Variants in VWDE observed in about 807,000 individuals in gnomAD.
The protein encoded by VWDE is von Willebrand factor D and EGF domains, also known as von Willebrand factor D and EGF domain-containing protein.
A neutral mutation model predicts 178.4 loss-of-function variants in VWDE; 207 were observed. The ratio of observed to expected loss-of-function variants is 1.16; its 90% CI spans 1.04 to 1.30. VWDE has a LOEUF of 1.30. Among genes scored for constraint, VWDE ranks in the 50% most tolerant of loss-of-function variants. The pLI is 0.00. For missense variants in VWDE, 2,287 were observed against 1,901.3 expected, an observed-to-expected ratio of 1.20 and a Z score of -3.77; for synonymous variants, 738 against 651.4, an observed-to-expected ratio of 1.13 and a Z score of -2.02.
At chr7:12,391,225 G>T (rs1249905191) in intron 2 of VWDE, among the ~76,000 whole-genome samples, 1 of 152,144 alleles carries the variant, frequency 6.6e-6, no homozygotes, top group Non-Finnish European at 1.5e-5. Flanking sequence ...AAGAAATGTT[G>T]TTCCATTCCT....
intron 12 of VWDE, 64 bp downstream of exon 12, chr7:12,369,481 G>T: frequency 6.9e-7 from 1 of 1,453,202 alleles, no homozygotes; most frequent in South Asian, 1.5e-5. Context: ...GTGAAATAAA[G>T]ATCAAACACA....
In VWDE at chr7:12,370,813, T is replaced by C. The variant is rs1425696228; in HGVS notation, c.1639A>G (p.Met547Val). 3 of 1,550,966 alleles carry C rather than the reference T, an allele frequency of 1.9e-6. No individual in the cohort carries two copies. Among genetic ancestry groups the C allele is most frequent in the Admixed American group, 2.0e-5 (1 of 50,940 alleles). The change falls in exon 11 of 29, where the codon ATG becomes GTG. Residue 547 changes from methionine to valine, a missense_variant. Transcript: ENST00000275358. ...FIRADLGEWG[M>V]SLTIRAPSVD... The stretch of plus-strand genomic sequence containing the variant: ...CTAGGGGCTCTGATCGTTAGACTCA[T>C]GCCCCATTCACCAAGATCAGCACGG...
At chr7:12,362,676 T>C (rs1031553616) in intron 13 of VWDE, among the ~76,000 whole-genome samples, 1 of 152,104 alleles carries the variant, frequency 6.6e-6, no homozygotes, top group African/African-American at 2.4e-5. Context: ...TTCAATATTG[T>C]GGGTCAGCAG....
At chr7:12,340,816 G>A (rs891761105) in intron 23 of VWDE, among the ~76,000 whole-genome samples, 1 of 152,130 alleles carries the variant, frequency 6.6e-6, no homozygotes, top group African/African-American at 2.4e-5. Context: ...TTAACAGGAT[G>A]GTTTGTAATC....
At chr7:12,357,040 T>C (rs1461426855) in intron 17 of VWDE, among the ~76,000 whole-genome samples, 2 of 152,164 alleles carry the variant, frequency 1.3e-5, no homozygotes, top group Non-Finnish European at 2.9e-5. Flanking sequence ...AATAAAACAG[T>C]ATAGAAATTA....
chr7:12,403,811 T>A lies in VWDE; in HGVS notation c.-95A>T. 1 of 1,351,400 alleles carries A rather than the reference T, an allele frequency of 7.4e-7. No individual in the cohort carries two copies. The highest frequency in any genetic ancestry group is 1.0e-6 in the Non-Finnish European group (1 of 975,410). The allele number at this position is 1,351,400 out of a possible 1,614,324, so 83.7% of individuals were successfully genotyped here. A position where few individuals can be genotyped will look rare whatever the true frequency, so the allele number is the denominator to read the frequency against. ...CAGCAGCCCCTCGGGCCTCCTTTCT[T>A]GGATTTTCTCAGTCTGTTGCTGCTT... On this transcript the variant is annotated 5_prime_UTR_variant, in exon 1 of 29. Transcript: ENST00000275358.
In VWDE at chr7:12,361,141, A is replaced by T; in HGVS notation, c.3159+6T>A. Reference sequence around the variant, plus strand: ...AAATGTGAAAATACATGAAAAAAATACATACCTTTATAGTACATGAGTCAT... The same window carrying T: ...AAATGTGAAAATACATGAAAAAAATTCATACCTTTATAGTACATGAGTCAT... On this transcript the variant is annotated splice_donor_region_variant and intron_variant, in intron 15 of 28. Coordinates refer to ENST00000275358, the MANE Select transcript of VWDE (RefSeq NM_001135924.3). The T allele has an allele frequency of 6.8e-7, 1 of 1,474,928 alleles. No homozygotes were observed. The allele number at this position is 1,474,928 out of a possible 1,614,324, so 91.4% of individuals were successfully genotyped here.
chr7:12,370,963 C>A, intron 10 of VWDE, 99 bp from the exon 11 acceptor site: 1 of 900,518 alleles, frequency 1.1e-6, no homozygotes, highest in Non-Finnish European at 1.6e-6. Flanking sequence ...AATAGTTATT[C>A]CCTCAATATA....
intron 1 of VWDE, among the ~76,000 whole-genome samples, chr7:12,400,737 A>G (rs1011755144): frequency 6.6e-6 from 1 of 152,112 alleles, no homozygotes; most frequent in Non-Finnish European, 1.5e-5. Flanking sequence ...GGCTACCCCG[A>G]CAGGAAAGCC....
chr7:12,347,700 C>A (rs1360590873), intron 19 of VWDE, among the ~76,000 whole-genome samples: 4 of 152,062 alleles, frequency 2.6e-5, no homozygotes, highest in African/African-American at 2.4e-5. Flanking sequence ...CAACGACTTT[C>A]TTCACAGAAT....
At chr7:12,357,927 C>T (rs1782351978) in intron 16 of VWDE, among the ~76,000 whole-genome samples, 2 of 152,088 alleles carry the variant, frequency 1.3e-5, no homozygotes, top group Non-Finnish European at 2.9e-5. Context: ...TTTCTCTATT[C>T]CTCCCTCACT....
rs1459027437 is a variant in VWDE at position 12,370,424 on chromosome 7, C to T, written c.1882G>A (p.Asp628Asn). 7 of 1,545,676 alleles carry T rather than the reference C, an allele frequency of 4.5e-6. No homozygotes were observed. Among genetic ancestry groups the T allele is most frequent in the Non-Finnish European group, 6.1e-6 (7 of 1,146,762 alleles). Residue 628 changes from aspartate to asparagine, a missense_variant, in exon 12 of 29, where the codon GAC becomes AAC. Physicochemically the swap from Asp to Asn is conservative, Grantham distance 23. Transcript: ENST00000275358. The part of the protein sequence containing the change: ...GKPSYCSCSL[D>N]TAAYPSSEDL... The stretch of plus-strand genomic sequence containing the variant: ...TCGGAAGACGGATACGCTGCAGTGT[C>T]CAATGAACAGCTACAATAGGATGGC...
chr7:12,392,677 G>A (rs1362942041), intron 2 of VWDE, among the ~76,000 whole-genome samples: 2 of 151,848 alleles, frequency 1.3e-5, no homozygotes, highest in African/African-American at 2.4e-5. Context: ...AAGCATTTTG[G>A]AAGAAAATGT....
chr7:12,359,496 C>A, intron 16 of VWDE, 82 bp downstream of exon 16: 1 of 897,694 alleles, frequency 1.1e-6, no homozygotes, highest in South Asian at 1.7e-5. Flanking sequence ...TCATCTTAAA[C>A]ACATTTACGT....
At chr7:12,397,766 C>A (rs1248868965) in intron 1 of VWDE, among the ~76,000 whole-genome samples, 1 of 152,012 alleles carries the variant, frequency 6.6e-6, no homozygotes, top group Non-Finnish European at 1.5e-5. Flanking sequence ...TGAACAGATG[C>A]CTCTCAAAAG....
In VWDE at chr7:12,357,325, G is replaced by C. The variant is rs373518112; in HGVS notation, c.3465C>G (p.Thr1155=). The change falls in exon 17 of 29, where the codon ACC becomes ACG. Residue 1155 remains threonine (T), a synonymous_variant. Transcript: ENST00000275358. Reference sequence around the variant, plus strand: ...CATTAAGGCGTACAGTAATTTGTTGGGTAGTTAGTAAATCTGTTTTCCACA... The same window carrying C: ...CATTAAGGCGTACAGTAATTTGTTGCGTAGTTAGTAAATCTGTTTTCCACA... The part of the protein sequence containing the change: ...LFMWKTDLLT[T]QQITVRLNDD... 151 of 1,552,096 alleles carry C rather than the reference G, an allele frequency of 9.7e-5. No homozygotes were observed. Among genetic ancestry groups the C allele is most frequent in the Non-Finnish European group, 1.3e-4 (144 of 1,147,106 alleles).
At chr7:12,392,516 A>C (rs1185025208) in intron 2 of VWDE, among the ~76,000 whole-genome samples, 3 of 152,122 alleles carry the variant, frequency 2.0e-5, no homozygotes, top group African/African-American at 7.2e-5. Flanking sequence ...GGGGACTATG[A>C]ACGAATTAGG....
intron 19 of VWDE, among the ~76,000 whole-genome samples, chr7:12,347,878 A>G (rs543758071): frequency 0.017 from 2,606 of 152,100 alleles, 72 homozygotes; most frequent in African/African-American, 0.059. Flanking sequence ...AAACAGAGAT[A>G]TAGATCAATA....
chr7:12,374,266 G>T (rs1229365057), intron 9 of VWDE, among the ~76,000 whole-genome samples: 2 of 151,926 alleles, frequency 1.3e-5, no homozygotes, highest in African/African-American at 4.8e-5. Context: ...TTTTTCCTGA[G>T]TATTCTTGTC....
Sources: allele counts gnomAD v4.1 joint callset (sites outside exome capture counted in the v4.1 genomes callset), GRCh38; gene constraint gnomAD v4.1.1; transcripts MANE v1.5; gene names NCBI Gene and HGNC (gene_info 2026-07-23, HGNC 2026-07-21).